The following ZNF600 variants were observed in gnomAD, a reference collection of about 807,000 sequenced individuals.
ZNF600 encodes the protein zinc finger protein KR-ZNF1.
ZNF600 carries 4 observed loss-of-function variants against 7.3 expected under a neutral mutation model. The ratio of observed to expected loss-of-function variants is 0.55; its 90% CI spans 0.27 to 1.25. The LOEUF is 1.25. ZNF600 is among the 50% of genes most tolerant of loss of function. The pLI, the probability that ZNF600 is intolerant of heterozygous loss-of-function variation, is 0.12. For missense variants in ZNF600, 911 were observed against 922.1 expected (o/e 0.99, Z 0.16); for synonymous variants, 290 against 308.9 (o/e 0.94, Z 0.64).
At chr19:52,782,085 A>G (rs1376178544) in intron 1 of ZNF600, among the ~76,000 whole-genome samples, 1 of 152,106 alleles carries the variant, frequency 6.6e-6, no homozygotes, top group East Asian at 1.9e-4. Context: ...AACATTAGCC[A>G]GGCCTCGTGG....
At chr19:52,819,680 T>C in the ZNF600 span, among the ~76,000 whole-genome samples, 1 of 141,098 alleles carries the variant, frequency 7.1e-6, no homozygotes, top group Non-Finnish European at 1.5e-5. Flanking sequence ...CATGGGGGCC[T>C]GGAAGGGCTA....
the ZNF600 span, chr19:52,800,987 G>A: frequency 3.7e-6 from 6 of 1,614,068 alleles, no homozygotes; most frequent in African/African-American, 1.3e-5. Flanking sequence ...TGTGAAGGAA[G>A]AGGGATGTAT....
intron 3 of ZNF600, among the ~76,000 whole-genome samples, chr19:52,770,619 C>CTG (rs10691748): frequency 0.063 from 9,585 of 152,066 alleles, 972 homozygotes; most frequent in African/African-American, 0.21. Context: ...AATTTATAAA[C>CTG]AGATCAGAGA....
At chr19:52,809,878 C>A in the ZNF600 span, 1 of 725,974 alleles carries the variant, frequency 1.4e-6, no homozygotes, top group Non-Finnish European at 2.4e-6. Flanking sequence ...GCGGGCGGTC[C>A]GGGATCCAGG....
chr19:52,769,047 TC>T (rs1427313638), intron 3 of ZNF600, among the ~76,000 whole-genome samples: 1 of 152,172 alleles, frequency 6.6e-6, no homozygotes, highest in Non-Finnish European at 1.5e-5. Flanking sequence ...ACCAGAGGAC[TC>T]CTTGGTCTGG....
the ZNF600 span, among the ~76,000 whole-genome samples, chr19:52,808,334 T>G: frequency 6.6e-6 from 1 of 152,202 alleles, no homozygotes; most frequent in African/African-American, 2.4e-5. Flanking sequence ...TTCCTAAGTT[T>G]GTGAAAAATT....
chr19:52,778,012 C>A (rs1416456956), intron 2 of ZNF600, among the ~76,000 whole-genome samples: 1 of 149,976 alleles, frequency 6.7e-6, no homozygotes, highest in Admixed American at 6.7e-5. Flanking sequence ...CACCTTCTCC[C>A]TCTCTCTCTC....
the ZNF600 span, among the ~76,000 whole-genome samples, chr19:52,827,504 G>C: frequency 6.6e-6 from 1 of 152,010 alleles, no homozygotes; most frequent in South Asian, 2.1e-4. Flanking sequence ...TCCATGTCTG[G>C]TGTGAGCCCT....
chr19:52,790,177 A>G (rs752335235), upstream of ZNF600, among the ~76,000 whole-genome samples: 23 of 152,190 alleles, frequency 1.5e-4, no homozygotes, highest in Admixed American at 3.3e-4. Context: ...TATACGTGCA[A>G]GTCACAGGGG....
the ZNF600 span, among the ~76,000 whole-genome samples, chr19:52,793,175 C>T: frequency 2.6e-5 from 4 of 152,142 alleles, no homozygotes; most frequent in Admixed American, 6.5e-5. Flanking sequence ...TGAACTATTA[C>T]CTCAAAATGT....
chr19:52,774,829 G>A (rs1268419603), intron 2 of ZNF600, 128 bp from the exon 5 acceptor site: 1 of 981,314 alleles, frequency 1.0e-6, no homozygotes, highest in African/African-American at 1.8e-5. Flanking sequence ...AAGGTATTTT[G>A]AATATTTTTT....
chr19:52,818,051 T>C, the ZNF600 span: 683 of 1,585,324 alleles, frequency 4.3e-4, 10 homozygotes, highest in South Asian at 6.8e-3. Flanking sequence ...AAAAATATGT[T>C]GTTTATTGCT....
At chr19:52,769,520 G>A (rs1044589129) in intron 3 of ZNF600, among the ~76,000 whole-genome samples, 5 of 152,150 alleles carry the variant, frequency 3.3e-5, no homozygotes, top group Non-Finnish European at 4.4e-5. Context: ...ACTGGAGATG[G>A]CTCACACTCC....
At chr19:52,788,422 T>C (rs1369067593), upstream of ZNF600, among the ~76,000 whole-genome samples, 2 of 151,974 alleles carry the variant, frequency 1.3e-5, no homozygotes, top group Non-Finnish European at 2.9e-5. Flanking sequence ...ATCAATCCTG[T>C]ATGTAAAAAA....
intron 1 of ZNF600, among the ~76,000 whole-genome samples, chr19:52,782,025 C>G (rs552652137): frequency 1.3e-5 from 2 of 152,152 alleles, no homozygotes; most frequent in East Asian, 1.9e-4. Context: ...CGTGCCACTG[C>G]ACTCCAGCCT....
chr19:52,831,564 G>T, the ZNF600 span, among the ~76,000 whole-genome samples: 2 of 151,732 alleles, frequency 1.3e-5, no homozygotes, highest in African/African-American at 4.8e-5. Context: ...GTGCAATGGT[G>T]CGATCTCGGC....
chr19:52,769,319 C>G (rs1187057771), intron 3 of ZNF600, among the ~76,000 whole-genome samples: 2 of 152,182 alleles, frequency 1.3e-5, no homozygotes, highest in Non-Finnish European at 2.9e-5. Flanking sequence ...AGTCCACCTT[C>G]GTGTTCCGTC....
chr19:52,779,087 G>A (rs746004615), intron 1 of ZNF600, among the ~76,000 whole-genome samples, 180 bp from the exon 4 acceptor site: 23 of 152,070 alleles, frequency 1.5e-4, no homozygotes, highest in Admixed American at 3.9e-4. Context: ...GTTTGACCCC[G>A]GTCTTCAGAT....
At chr19:52,770,411 C>T (rs897344349) in intron 3 of ZNF600, among the ~76,000 whole-genome samples, 22 of 152,310 alleles carry the variant, frequency 1.4e-4, no homozygotes, top group African/African-American at 4.3e-4. Flanking sequence ...CATTGCACTC[C>T]AGCCTGGTTG....
Sources: gnomAD v4.1 joint callset for allele counts (sites outside exome capture counted in the v4.1 genomes callset) on GRCh38, gnomAD v4.1.1 for gene constraint, MANE v1.5 for transcripts, NCBI Gene and HGNC (gene_info 2026-07-23, HGNC 2026-07-21) for gene names.